The following RPTOR variants were observed in gnomAD, a reference collection of about 807,000 sequenced individuals.
RPTOR encodes regulatory-associated protein of mTOR.
RPTOR carries 21 observed loss-of-function variants against 169.9 expected under a neutral mutation model. The ratio of observed to expected loss-of-function variants is 0.12; its 90% CI spans 0.09 to 0.18. The LOEUF is 0.18. RPTOR is among the 10% of genes least tolerant of loss of function. The pLI is 1.00. For synonymous variants in RPTOR, 732 were observed against 753.2 expected (o/e 0.97, Z 0.46); for missense variants, 1,133 against 1,855.9 (o/e 0.61, Z 7.16).
chr17:80,639,498 C>T (rs2065535238), intron 2 of RPTOR, among the ~76,000 whole-genome samples: 1 of 152,138 alleles, frequency 6.6e-6, no homozygotes, highest in African/African-American at 2.4e-5. Context: ...GAAGTCTTAT[C>T]TTGTCCCCTT....
chr17:80,547,966 CT>C (rs200443164), intron 1 of RPTOR, among the ~76,000 whole-genome samples: 2,732 of 151,432 alleles, frequency 0.018, 86 homozygotes, highest in African/African-American at 0.063. Context: ...AGTCAGCAAA[CT>C]TTTTTTTTCT....
At chr17:80,793,925 T>C (rs1325179535) in intron 7 of RPTOR, among the ~76,000 whole-genome samples, 1 of 152,210 alleles carries the variant, frequency 6.6e-6, no homozygotes, top group Non-Finnish European at 1.5e-5. Flanking sequence ...AGAGCTCAGG[T>C]CTCAGGACAG....
chr17:80,677,077 C>T (rs573443734), intron 3 of RPTOR, among the ~76,000 whole-genome samples: 24 of 152,300 alleles, frequency 1.6e-4, no homozygotes, highest in African/African-American at 4.8e-4. Flanking sequence ...CTCAGGGGCA[C>T]GCTGTTGCAT....
intron 26 of RPTOR, among the ~76,000 whole-genome samples, chr17:80,946,246 G>A (rs975412870): frequency 6.6e-6 from 1 of 152,174 alleles, no homozygotes; most frequent in African/African-American, 2.4e-5. Flanking sequence ...GTGGGAGGGG[G>A]TTCCTTTTAG....
chr17:80,683,364 CAGGTGCTGTCGG>C (rs2065912546), intron 3 of RPTOR, among the ~76,000 whole-genome samples: 1 of 152,182 alleles, frequency 6.6e-6, no homozygotes, highest in African/African-American at 2.4e-5. Context: ...GGGGCTTCCT[CAGGTGCTGTCGG>C]AGGTGCTGAT....
chr17:80,749,076 G>T lies in RPTOR; in HGVS notation c.655-4934G>T, dbSNP rs182488423. ...ACTGCGGTGTGTGTTTAGAGGCCGT[G>T]GCAAGAGGACCTGTTGGGTGGATGG... On this transcript the variant is annotated intron_variant, in intron 5 of 33. Coordinates refer to ENST00000306801, the MANE Select transcript of RPTOR (RefSeq NM_020761.3). 3.5e-3 allele frequency among the ~76,000 whole-genome samples: 176 copies of T among 50,578 alleles called. 13 individuals are homozygous for T. Among genetic ancestry groups the T allele is most frequent in the Middle Eastern group, 0.036 (2 of 56 alleles). The allele number at this position is 50,578 out of a possible 152,430, so 33.2% of individuals were successfully genotyped here.
In RPTOR at chr17:80,544,851, G is replaced by A. The variant is rs903013774; in HGVS notation, c.-779G>A. 11 of 217,502 alleles carry A rather than the reference G, an allele frequency of 5.1e-5. No individual in the cohort carries two copies. The highest frequency in any genetic ancestry group is 2.5e-4 in the African/African-American group (11 of 44,408). The allele number at this position is 217,502 out of a possible 1,614,324, so 13.5% of individuals were successfully genotyped here. On this transcript the variant is annotated 5_prime_UTR_variant, in exon 1 of 34. It removes an upstream start codon present in the reference 5' UTR. Transcript: ENST00000306801. ...GGTGCATTCTGGGTCCTGGCAATAT[G>A]GCGTCCTCCTTGATGGGCTGATGAG... is the stretch of plus-strand genomic sequence containing the variant.
chr17:80,940,337 ATG>A (rs2069008922), intron 24 of RPTOR, 157 bp from the exon 25 acceptor site: 2 of 585,886 alleles, frequency 3.4e-6, no homozygotes, highest in Non-Finnish European at 6.0e-6. Flanking sequence ...GTGCCGGAGG[ATG>A]TGTTCTGCTT....
intron 5 of RPTOR, among the ~76,000 whole-genome samples, chr17:80,742,317 G>C (rs539872323): frequency 6.6e-6 from 1 of 152,264 alleles, no homozygotes; most frequent in African/African-American, 2.4e-5. Context: ...CATTACACAA[G>C]GGGAGGAGCT....
At chr17:80,963,278 G>A (rs2069371385) in intron 33 of RPTOR, among the ~76,000 whole-genome samples, 3 of 152,204 alleles carry the variant, frequency 2.0e-5, no homozygotes, top group African/African-American at 7.2e-5. Flanking sequence ...CACTCCGGGA[G>A]GAATTGACAC....
intron 11 of RPTOR, among the ~76,000 whole-genome samples, chr17:80,850,559 A>G (rs1287444738): frequency 6.6e-6 from 1 of 152,178 alleles, no homozygotes; most frequent in African/African-American, 2.4e-5. Context: ...TCAGGTGTGC[A>G]CCACCGCACC....
At chr17:80,632,158 G>A (rs780870367) in intron 2 of RPTOR, among the ~76,000 whole-genome samples, 12 of 152,108 alleles carry the variant, frequency 7.9e-5, no homozygotes, top group Non-Finnish European at 1.0e-4. Flanking sequence ...GCTGGCTCCC[G>A]GTGACTGTGC....
chr17:80,755,387 G>GC (rs1446903036), intron 6 of RPTOR, among the ~76,000 whole-genome samples: 1 of 152,002 alleles, frequency 6.6e-6, no homozygotes. Context: ...GATCCCTTGA[G>GC]CGCGGGAGTT....
Position 80,746,655 on chromosome 17 carries a change from C to T in RPTOR, c.655-7355C>T, listed in dbSNP as rs918297590. Among the ~76,000 whole-genome samples, 2 of 152,134 alleles carry T rather than the reference C, an allele frequency of 1.3e-5. No homozygotes were observed. The highest frequency in any genetic ancestry group is 4.8e-5 in the African/African-American group (2 of 41,424). On this transcript the variant is annotated intron_variant, in intron 5 of 33. Coordinates refer to ENST00000306801, the MANE Select transcript of RPTOR (RefSeq NM_020761.3). This position sits in a 1 kb window ranked among gnomAD's most constrained non-coding sequence, Gnocchi z 4.5. ...CCTTAGGCTTGCTGTTTGGGAAAAC[C>T]ATGGCTCTGGGCTGGAATTGGTCAC...
intron 2 of RPTOR, among the ~76,000 whole-genome samples, chr17:80,629,928 C>T (rs1472164347): frequency 3.3e-5 from 5 of 152,242 alleles, no homozygotes; most frequent in Non-Finnish European, 5.9e-5. Flanking sequence ...TGCAGCTCCT[C>T]CGTTTGTTCT....
chr17:80,554,104 C>T (rs1467360582), intron 1 of RPTOR, among the ~76,000 whole-genome samples: 1 of 152,004 alleles, frequency 6.6e-6, no homozygotes, highest in Non-Finnish European at 1.5e-5. Flanking sequence ...TCACAGTTCA[C>T]TGCATCCTTG....
intron 3 of RPTOR, among the ~76,000 whole-genome samples, chr17:80,706,738 T>C (rs533342629): frequency 6.6e-6 from 1 of 152,360 alleles, no homozygotes; most frequent in East Asian, 1.9e-4. Flanking sequence ...TGTTTTTCCC[T>C]GTGACCTTCA....
chr17:80,955,677 G>A (rs375080094), intron 28 of RPTOR, among the ~76,000 whole-genome samples: 21 of 152,164 alleles, frequency 1.4e-4, no homozygotes, highest in African/African-American at 4.3e-4. Flanking sequence ...ACTGTCTGTC[G>A]TGAAAAAAAA....
In RPTOR at chr17:80,965,319, C is replaced by G. The variant is rs943806488; in HGVS notation, c.*989C>G. 15 of 233,184 alleles carry G rather than the reference C, an allele frequency of 6.4e-5. No homozygotes were observed. Among genetic ancestry groups the G allele is most frequent in the African/African-American group, 3.3e-4 (15 of 45,358 alleles). 14.4% of individuals were successfully genotyped at this position (233,184 alleles called of 1,614,324 possible). A position where few individuals can be genotyped will look rare whatever the true frequency, so the allele number is the denominator to read the frequency against. ...TCTGTCCCCACACGTTCCTCACATACAGGCAAGAGGCACTGCCGGGTCCCG... is the reference window on the plus strand; with the variant it reads ...TCTGTCCCCACACGTTCCTCACATAGAGGCAAGAGGCACTGCCGGGTCCCG... On this transcript the variant is annotated 3_prime_UTR_variant, in exon 34 of 34. Transcript: ENST00000306801.
Sources: gnomAD v4.1 joint callset for allele counts (sites outside exome capture counted in the v4.1 genomes callset) on GRCh38, gnomAD v4.1.1 for gene constraint, Gnocchi (gnomAD v3.1) non-coding constraint, MANE v1.5 for transcripts, NCBI Gene and HGNC (gene_info 2026-07-23, HGNC 2026-07-21) for gene names.